Variants in DYNC1H1 observed in about 807,000 individuals in gnomAD.
DYNC1H1 encodes the protein dynein cytoplasmic 1 heavy chain 1, also known as cytoplasmic dynein 1 heavy chain 1.
A neutral mutation model predicts 527.1 loss-of-function variants in DYNC1H1; 51 were observed. The observed-to-expected ratio is 0.10, with a 90% CI of 0.08 to 0.12. The LOEUF is 0.12. Among genes scored for constraint, DYNC1H1 ranks in the 10% least tolerant of loss-of-function variants. The probability of loss-of-function intolerance (pLI) is 1.00; values close to 1 mark genes in which losing one functional copy is unlikely to be tolerated. For missense variants in DYNC1H1, 2,771 were observed against 5,971.8 expected, an observed-to-expected ratio of 0.46 and a Z score of 17.66; for synonymous variants, 2,189 against 2,278.8, an observed-to-expected ratio of 0.96 and a Z score of 1.12.
intron 28 of DYNC1H1, 148 bp downstream of exon 28, chr14:102,007,256 G>A: frequency 1.3e-6 from 1 of 769,382 alleles, no homozygotes. Context: ...AGGGATAGGT[G>A]TTATTTTGAA....
Position 101,991,587 on chromosome 14 carries a change from G to A in DYNC1H1, c.2929G>A (p.Glu977Lys). The A allele has an allele frequency of 1.2e-6, 2 of 1,614,178 alleles. No individual in the cohort carries two copies. The highest frequency in any genetic ancestry group is 1.7e-6 in the Non-Finnish European group (2 of 1,180,030). Reference sequence around the variant, plus strand: ...AATCTACTTGAATCCACCAATTGAAGAGTGCAGATACAAGCTGTATCAGGA... The same window carrying A: ...AATCTACTTGAATCCACCAATTGAAAAGTGCAGATACAAGCTGTATCAGGA... ...QVIYLNPPIE[E>K]CRYKLYQEMF... The change falls in exon 11 of 78, where the codon GAG becomes AAG. Residue 977 changes from glutamate (E) to lysine (K), a missense_variant. Around this residue, in one of 32 missense-constraint regions of DYNC1H1, gnomAD observed 179 missense variants for 349.4 expected, o/e 0.51. Transcript: ENST00000360184.
chr14:102,028,471 C>T (rs1169145070), intron 48 of DYNC1H1: 19 of 364,448 alleles, frequency 5.2e-5, no homozygotes, highest in African/African-American at 2.1e-5. Context: ...GCTGAGATCA[C>T]GGCACTGCAA....
Position 102,029,786 on chromosome 14 carries a change from T to G in DYNC1H1, c.9643-33T>G. On this transcript the variant is annotated intron_variant, in intron 49 of 77. Coordinates refer to ENST00000360184, the MANE Select transcript of DYNC1H1 (RefSeq NM_001376.5). This position sits in a 1 kb window ranked among gnomAD's most constrained non-coding sequence, Gnocchi z 5.3. ...CCCTTTCCATATAATTTCTGCATGT[T>G]TCTCGTCTCTGAGTGTGGGCTTTGC... 1.2e-6 allele frequency: 2 copies of G among 1,614,220 alleles called. No homozygotes were observed. The highest frequency in any genetic ancestry group is 1.7e-5 in the Admixed American group (1 of 60,014).
intron 11 of DYNC1H1, among the ~76,000 whole-genome samples, 153 bp downstream of exon 11, chr14:101,991,826 CCT>C (rs750939065): frequency 8.5e-5 from 13 of 152,252 alleles, no homozygotes; most frequent in Non-Finnish European, 1.8e-4. Context: ...CTTTTTGTGC[CCT>C]GACCTTTTTT....
In DYNC1H1 at chr14:102,003,266, C is replaced by CT. The variant is rs71468380; in HGVS notation, c.4883+315dup. The stretch of plus-strand genomic sequence containing the variant: ...TTCAGTGTTTATCTCTGGCAGTTTT[C>CT]TTTTTTTTTTTTTTGAGATGGAGTC... On this transcript the variant is annotated intron_variant, in intron 23 of 77. Coordinates refer to ENST00000360184, the MANE Select transcript of DYNC1H1 (RefSeq NM_001376.5). 0.18 allele frequency among the ~76,000 whole-genome samples: 25,390 copies of CT among 141,290 alleles called. 2,850 individuals are homozygous for CT. Among genetic ancestry groups the CT allele is most frequent in the African/African-American group, 0.31 (11,823 of 38,130 alleles). The allele number at this position is 141,290 out of a possible 152,430, so 92.7% of individuals were successfully genotyped here.
intron 43 of DYNC1H1, among the ~76,000 whole-genome samples, chr14:102,025,133 C>T (rs1322927209): frequency 6.6e-6 from 1 of 151,740 alleles, no homozygotes; most frequent in Non-Finnish European, 1.5e-5. Flanking sequence ...GTCAGGAGTT[C>T]GAGACCAGCC....
At chr14:101,976,529 C>T (rs1310563579) in intron 2 of DYNC1H1, among the ~76,000 whole-genome samples, 5 of 148,704 alleles carry the variant, frequency 3.4e-5, no homozygotes, top group Admixed American at 1.3e-4. Flanking sequence ...GCAACAAGAG[C>T]GAAACTCTGT....
chr14:102,033,008 A>C lies in DYNC1H1; in HGVS notation c.10080-57A>C, dbSNP rs954609322. 25 of 1,561,488 alleles carry C rather than the reference A, an allele frequency of 1.6e-5. No individual in the cohort carries two copies. The highest frequency in any genetic ancestry group is 2.2e-5 in the Non-Finnish European group (25 of 1,132,784). ...GGTCTCTTCCATTTTAATTTTATGA[A>C]AACTCTTCCTTGCTTTTGTCCTGCA... On this transcript the variant is annotated intron_variant, in intron 52 of 77. Transcript: ENST00000360184. This position sits in a 1 kb window ranked among gnomAD's most constrained non-coding sequence, Gnocchi z 5.6.
At chr14:102,046,957 C>A (rs568743521) in intron 72 of DYNC1H1, among the ~76,000 whole-genome samples, 1 of 152,260 alleles carries the variant, frequency 6.6e-6, no homozygotes, top group East Asian at 1.9e-4. Flanking sequence ...ACCACCACAC[C>A]TGCCTTTCTA....
At position 102,042,001 on chromosome 14, in the gene DYNC1H1, C is replaced by T. The variant is rs1567022434; in HGVS notation, c.12103-12C>T. 1 of 1,613,826 alleles carries T rather than the reference C, an allele frequency of 6.2e-7. No individual in the cohort carries two copies. Among genetic ancestry groups the T allele is most frequent in the Admixed American group, 1.7e-5 (1 of 60,016 alleles). ...CTGGCACTGTAATAACTTCTGCCTT[C>T]TTTGTTTGCAGGTGAAGCCCAACAC... is the stretch of plus-strand genomic sequence containing the variant. On this transcript the variant is annotated splice_polypyrimidine_tract_variant and intron_variant, in intron 65 of 77. Transcript: ENST00000360184. This position sits in a 1 kb window ranked among gnomAD's most constrained non-coding sequence, Gnocchi z 5.7.
Position 101,983,104 on chromosome 14 carries a change from G to A in DYNC1H1, c.1047G>A (p.Glu349=). The A allele has an allele frequency of 6.2e-7, 1 of 1,614,180 alleles. No individual in the cohort carries two copies. The highest frequency in any genetic ancestry group is 8.5e-7 in the Non-Finnish European group (1 of 1,180,032). ...FPLNDLLSAT[E]LDKIRQALVA... ...TGAATGATTTGCTGTCTGCCACGGA[G>A]CTGGACAAAATAAGACAGGCGCTTG... Residue 349 remains glutamate (E), a synonymous_variant, in exon 6 of 78, where the codon GAG becomes GAA. Transcript: ENST00000360184. The surrounding 1 kb of genome is among the most constrained non-coding windows in gnomAD (Gnocchi z 5.3).
Position 101,994,967 on chromosome 14 carries a change from T to C in DYNC1H1, c.3334-19T>C, listed in dbSNP as rs1443106984. ...GCAGGAAAGAGCTGATGATGTGTTG[T>C]GTGCTATTTCACCCTCAGGTACAAT... On this transcript the variant is annotated intron_variant, in intron 13 of 77. Coordinates refer to ENST00000360184, the MANE Select transcript of DYNC1H1 (RefSeq NM_001376.5). 1.2e-6 allele frequency: 2 copies of C among 1,613,440 alleles called. No individual in the cohort carries two copies. The highest frequency in any genetic ancestry group is 1.3e-5 in the African/African-American group (1 of 74,918).
Position 102,042,151 on chromosome 14 carries a change from G to A in DYNC1H1, c.12214+27G>A. The A allele has an allele frequency of 4.3e-6, 7 of 1,613,584 alleles. No individual in the cohort carries two copies. The highest frequency in any genetic ancestry group is 5.1e-6 in the Non-Finnish European group (6 of 1,179,606). On this transcript the variant is annotated intron_variant, in intron 66 of 77. Transcript: ENST00000360184. The surrounding 1 kb of genome is among the most constrained non-coding windows in gnomAD (Gnocchi z 5.7). ...TAAGGATGCTTGAGGGGCTTCATGG[G>A]CTGGAGCCCTGCAGGATTTGTGGTG...
chr14:102,040,504 T>A, intron 63 of DYNC1H1, 94 bp downstream of exon 63: 1 of 1,611,216 alleles, frequency 6.2e-7, no homozygotes, highest in South Asian at 1.1e-5. Context: ...CAGAATGTTG[T>A]GTCTGCGCTC....
At position 102,036,495 on chromosome 14, in the gene DYNC1H1, G is replaced by A. The variant is rs762678471; in HGVS notation, c.10761G>A (p.Pro3587=). ...TCTGTGGCCTCATCCTCAGGTATCCGCTGATCATTGACCCCTCTGGACAGG... is the reference window on the plus strand; with the variant it reads ...TCTGTGGCCTCATCCTCAGGTATCCACTGATCATTGACCCCTCTGGACAGG... The part of the protein sequence containing the change: ...AIMLKRFNRY[P]LIIDPSGQAT... The change falls in exon 57 of 78, where the codon CCG becomes CCA. Residue 3587 remains proline, a synonymous_variant. Coordinates refer to ENST00000360184, the MANE Select transcript of DYNC1H1 (RefSeq NM_001376.5). This position sits in a 1 kb window ranked among gnomAD's most constrained non-coding sequence, Gnocchi z 5.6. 4 of 1,613,644 alleles carry A rather than the reference G, an allele frequency of 2.5e-6. No individual in the cohort carries two copies. Among genetic ancestry groups the A allele is most frequent in the South Asian group, 1.1e-5 (1 of 91,062 alleles).
rs766144557 is a variant in DYNC1H1 at position 101,975,755 on chromosome 14, C to G, written c.300C>G (p.Ser100=). 2 of 1,613,514 alleles carry G rather than the reference C, an allele frequency of 1.2e-6. No homozygotes were observed. The highest frequency in any genetic ancestry group is 2.7e-5 in the African/African-American group (2 of 74,854). The change falls in exon 2 of 78, where the codon TCC becomes TCG. Residue 100 remains serine, a synonymous_variant. Coordinates refer to ENST00000360184, the MANE Select transcript of DYNC1H1 (RefSeq NM_001376.5). ...GAGAAGAAGAAAAAGAATTCATTTCCTATAACATCAACATAGACATTCATT... is the reference window on the plus strand; with the variant it reads ...GAGAAGAAGAAAAAGAATTCATTTCGTATAACATCAACATAGACATTCATT... ...DEGEEEKEFI[S]YNINIDIHYG...
chr14:101,971,073 G>A (rs2047732277), intron 1 of DYNC1H1, among the ~76,000 whole-genome samples: 2 of 150,030 alleles, frequency 1.3e-5, no homozygotes, highest in Non-Finnish European at 3.0e-5. Context: ...CTCAGGAGAG[G>A]GCCGTATCAT....
At position 102,044,710 on chromosome 14, in the gene DYNC1H1, G is replaced by T. The variant is rs757756908; in HGVS notation, c.13006+12G>T. 5.0e-6 allele frequency: 8 copies of T among 1,613,250 alleles called. No individual in the cohort carries two copies. Among genetic ancestry groups the T allele is most frequent in the South Asian group, 2.2e-5 (2 of 91,040 alleles). ...CCTTACCACACAGGGTAGGCAACAA[G>T]GATCCTCCCCACACGCAGGGTGGGT... On this transcript the variant is annotated intron_variant, in intron 72 of 77. Transcript: ENST00000360184. The surrounding 1 kb of genome is among the most constrained non-coding windows in gnomAD (Gnocchi z 7.1).
At chr14:101,996,910 ACT>A in intron 15 of DYNC1H1, 123 bp from the exon 16 acceptor site, 1 of 1,373,122 alleles carries the variant, frequency 7.3e-7, no homozygotes, top group Non-Finnish European at 9.9e-7. Flanking sequence ...GGCAAGAACC[ACT>A]GTGTCTGGCC....
Sources: allele counts gnomAD v4.1 joint callset (sites outside exome capture counted in the v4.1 genomes callset), GRCh38; gene constraint gnomAD v4.1.1; regional missense constraint gnomAD v4.1.1; non-coding constraint Gnocchi (gnomAD v3.1); transcripts MANE v1.5; gene names NCBI Gene and HGNC (gene_info 2026-07-23, HGNC 2026-07-21).